Variants in ERC1 observed in about 807,000 individuals in gnomAD.
ERC1 encodes RAB6 interacting protein 2.
In ERC1, 56 loss-of-function variants were observed where a neutral mutation model predicts 132.0. The observed-to-expected ratio is 0.42, with a 90% CI of 0.34 to 0.53. ERC1 has a LOEUF of 0.53. Among genes scored for constraint, ERC1 ranks in the 20% least tolerant of loss-of-function variants. The pLI is 0.03. For synonymous variants in ERC1, 478 were observed against 476.1 expected (o/e 1.00, Z -0.05); for missense variants, 1,202 against 1,349.9 (o/e 0.89, Z 1.72).
intron 11 of ERC1, among the ~76,000 whole-genome samples, chr12:1,186,923 C>G (rs995973694): frequency 6.6e-6 from 1 of 152,184 alleles, no homozygotes; most frequent in African/African-American, 2.4e-5. Context: ...CTCTACCTCC[C>G]AGGTTCAAGC....
chr12:1,456,514 C>T (rs1408654430), intron 18 of ERC1, among the ~76,000 whole-genome samples: 1 of 152,100 alleles, frequency 6.6e-6, no homozygotes, highest in African/African-American at 2.4e-5. Context: ...AGATTTGAGA[C>T]ACCCTATGAC....
chr12:1,341,128 C>G (rs552620971), intron 15 of ERC1, among the ~76,000 whole-genome samples: 1 of 71,964 alleles, frequency 1.4e-5, no homozygotes, highest in South Asian at 5.2e-4. Context: ...GAGTCTTACT[C>G]TGTCGCCCAG....
intron 18 of ERC1, among the ~76,000 whole-genome samples, chr12:1,482,507 C>T (rs1001964898): frequency 3.9e-5 from 6 of 152,072 alleles, no homozygotes; most frequent in Non-Finnish European, 5.9e-5. Context: ...AGTGCACTGG[C>T]GCGATCTCGG....
intron 3 of ERC1, among the ~76,000 whole-genome samples, chr12:1,091,794 C>A (rs1309370188): frequency 6.6e-6 from 1 of 152,014 alleles, no homozygotes; most frequent in Non-Finnish European, 1.5e-5. Flanking sequence ...GAAGAGTGAA[C>A]AAGGGAGTAT....
At chr12:1,362,526 G>A (rs2086237304) in intron 15 of ERC1, among the ~76,000 whole-genome samples, 1 of 151,856 alleles carries the variant, frequency 6.6e-6, no homozygotes, top group Admixed American at 6.6e-5. Flanking sequence ...ATATTCATAG[G>A]GTAATTTGTA....
chr12:1,256,913 T>G, intron 13 of ERC1, among the ~76,000 whole-genome samples: 1 of 150,634 alleles, frequency 6.6e-6, no homozygotes, highest in Non-Finnish European at 1.5e-5. Context: ...TAATCCAGTT[T>G]TGTTATACTG....
At chr12:1,403,128 G>A (rs541142729) in intron 16 of ERC1, among the ~76,000 whole-genome samples, 5 of 152,104 alleles carry the variant, frequency 3.3e-5, no homozygotes, top group Non-Finnish European at 5.9e-5. Flanking sequence ...TTTTTCCTCT[G>A]GGAGGGTATG....
chr12:1,015,833 G>A (rs1351185209), intron 1 of ERC1, among the ~76,000 whole-genome samples: 1 of 152,122 alleles, frequency 6.6e-6, no homozygotes, highest in Non-Finnish European at 1.5e-5. Context: ...ACATCAGGTT[G>A]TACTAGTAAT....
chr12:1,361,162 C>T (rs556565287), intron 15 of ERC1, among the ~76,000 whole-genome samples: 17 of 144,270 alleles, frequency 1.2e-4, no homozygotes, highest in African/African-American at 3.8e-4. Context: ...GATAGACCCA[C>T]GAAACTGAGG....
At chr12:1,105,246 C>T (rs1281143470) in intron 4 of ERC1, among the ~76,000 whole-genome samples, 4 of 152,208 alleles carry the variant, frequency 2.6e-5, no homozygotes, top group African/African-American at 4.8e-5. Flanking sequence ...CAAAGCAACA[C>T]GAGTCCTGTG....
chr12:1,106,343 C>T (rs573781502), intron 4 of ERC1, among the ~76,000 whole-genome samples: 1 of 152,202 alleles, frequency 6.6e-6, no homozygotes, highest in Non-Finnish European at 1.5e-5. Flanking sequence ...GACCTCCCCC[C>T]ACAACTACTT....
At chr12:1,127,225 G>T (rs1267216601) in intron 7 of ERC1, among the ~76,000 whole-genome samples, 1 of 152,096 alleles carries the variant, frequency 6.6e-6, no homozygotes, top group Admixed American at 6.5e-5. Context: ...TGCTTGTGAG[G>T]ATTTGGGCAA....
intron 1 of ERC1, among the ~76,000 whole-genome samples, chr12:992,871 A>G (rs117957233): frequency 0.02 from 3,059 of 152,352 alleles, 58 homozygotes; most frequent in Non-Finnish European, 0.035. Context: ...TTATGGAGGA[A>G]GAGAAGCTGT....
At chr12:1,006,932 AAT>A (rs996878978) in intron 1 of ERC1, among the ~76,000 whole-genome samples, 4 of 150,386 alleles carry the variant, frequency 2.7e-5, no homozygotes, top group East Asian at 1.9e-4. Context: ...TCTAATATAC[AAT>A]ATATATGTGT....
At chr12:1,134,682 T>C (rs1949085452) in intron 7 of ERC1, among the ~76,000 whole-genome samples, 1 of 151,614 alleles carries the variant, frequency 6.6e-6, no homozygotes, top group Non-Finnish European at 1.5e-5. Context: ...TATTGATAGA[T>C]ATAACTCACA....
rs575157538 is a variant in ERC1 at position 1,189,961 on chromosome 12, G to T, written c.2260G>T (p.Ala754Ser). Reference sequence around the variant, plus strand: ...CAGGTACAAAGATGAATCTAGCAAGGCCCAGGCAGAAGTTGATCGACTCTT... The same window carrying T: ...CAGGTACAAAGATGAATCTAGCAAGTCCCAGGCAGAAGTTGATCGACTCTT... ...ITRYKDESSK[A>S]QAEVDRLLEI... is the part of the protein sequence containing the mutation. The change falls in exon 12 of 19, where the codon GCC becomes TCC. Residue 754 changes from alanine to serine, a missense_variant. By Grantham distance (99) the Ala-to-Ser change is moderately conservative. Coordinates refer to ENST00000360905, the MANE Select transcript of ERC1 (RefSeq NM_178040.4). 6.2e-6 allele frequency: 10 copies of T among 1,614,070 alleles called. No homozygotes were observed. The East Asian group carries it at 2.2e-4, about 36-fold the overall frequency.
At chr12:1,418,761 G>A (rs1174668256) in intron 17 of ERC1, among the ~76,000 whole-genome samples, 2 of 147,712 alleles carry the variant, frequency 1.4e-5, no homozygotes, top group East Asian at 2.0e-4. Flanking sequence ...CGCTCAGACT[G>A]GAGTGTAGTG....
chr12:1,199,639 A>G (rs1311631372), intron 12 of ERC1, among the ~76,000 whole-genome samples: 1 of 151,982 alleles, frequency 6.6e-6, no homozygotes, highest in Non-Finnish European at 1.5e-5. Flanking sequence ...TTAGCCGGGC[A>G]TGGTGGCAGG....
chr12:1,127,137 A>T (rs781437190), intron 7 of ERC1, among the ~76,000 whole-genome samples: 1 of 152,186 alleles, frequency 6.6e-6, no homozygotes, highest in Non-Finnish European at 1.5e-5. Context: ...AAATAAAGAA[A>T]TGCAAATTTC....
Sources: allele counts gnomAD v4.1 joint callset (sites outside exome capture counted in the v4.1 genomes callset), GRCh38; gene constraint gnomAD v4.1.1; transcripts MANE v1.5; gene names NCBI Gene and HGNC (gene_info 2026-07-23, HGNC 2026-07-21).